The following LINGO2 variants were observed in gnomAD, a reference collection of about 807,000 sequenced individuals.
The protein encoded by LINGO2 is leucine-rich repeat and immunoglobulin-like domain-containing nogo receptor-interacting protein 2.
Under a neutral mutation model 30.6 loss-of-function variants are expected in LINGO2, and 14 were observed. The ratio of observed to expected loss-of-function variants is 0.46; its 90% confidence interval spans 0.30 to 0.72. The LOEUF is 0.72. Ranked by LOEUF, LINGO2 falls within the 30% of genes least tolerant of loss-of-function variation. The probability of loss-of-function intolerance (pLI) is 0.07; values close to 1 mark genes in which losing one functional copy is unlikely to be tolerated. For synonymous variants in LINGO2, 317 were observed against 288.5 expected, an observed-to-expected ratio of 1.10 and a Z score of -1.00; for missense variants, 729 against 751.7, an observed-to-expected ratio of 0.97 and a Z score of 0.35.
At chr9:28,091,519 T>C (rs866838823) in intron 4 of LINGO2, among the ~76,000 whole-genome samples, 1 of 152,182 alleles carries the variant, frequency 6.6e-6, no homozygotes. Context: ...TGAAACTGGA[T>C]CCCTTCCTTA....
intron 1 of LINGO2, among the ~76,000 whole-genome samples, chr9:28,520,594 G>T (rs1369884773): frequency 6.6e-6 from 1 of 151,998 alleles, no homozygotes; most frequent in Non-Finnish European, 1.5e-5. Context: ...GTTCCCTCAG[G>T]GCAGGTATGT....
At chr9:29,068,225 T>C in the LINGO2 span, among the ~76,000 whole-genome samples, 5 of 151,694 alleles carry the variant, frequency 3.3e-5, no homozygotes, top group African/African-American at 4.8e-5. Flanking sequence ...TTATTAACAC[T>C]AAATAAATTA....
chr9:28,313,190 T>C (rs139593994), intron 3 of LINGO2, among the ~76,000 whole-genome samples: 102 of 152,328 alleles, frequency 6.7e-4, no homozygotes, highest in African/African-American at 2.4e-3. Flanking sequence ...CATTGGCTAA[T>C]ACATAATTAT....
At chr9:28,832,118 G>A in the LINGO2 span, among the ~76,000 whole-genome samples, 1 of 151,990 alleles carries the variant, frequency 6.6e-6, no homozygotes, top group Non-Finnish European at 1.5e-5. Context: ...AAACCTTTTA[G>A]TGAATTTAAA....
At chr9:28,726,878 C>G in the LINGO2 span, among the ~76,000 whole-genome samples, 1 of 152,146 alleles carries the variant, frequency 6.6e-6, no homozygotes, top group Non-Finnish European at 1.5e-5. Flanking sequence ...GATGTATACC[C>G]TTTTCTCCAA....
rs142088812 is a variant in LINGO2 at position 28,548,069 on chromosome 9, G to T, written c.-364-72044C>A. On this transcript the variant is annotated intron_variant, in intron 1 of 5. Transcript: ENST00000379992. ...ACCCAAGGAAGCTATGGAAAAGCAGGAACCTGGAGAGCTCACAGATCCTCC... is the reference window on the plus strand; with the variant it reads ...ACCCAAGGAAGCTATGGAAAAGCAGTAACCTGGAGAGCTCACAGATCCTCC... Among the ~76,000 whole-genome samples the T allele has an allele frequency of 2.4e-3, 367 of 152,220 alleles. 1 individual carries two copies. The highest frequency in any genetic ancestry group is 8.7e-3 in the African/African-American group (363 of 41,564).
the LINGO2 span, among the ~76,000 whole-genome samples, chr9:28,790,968 G>A: frequency 1.3e-5 from 2 of 152,036 alleles, no homozygotes; most frequent in African/African-American, 4.8e-5. Flanking sequence ...TTATAAGACT[G>A]ATTGAAAATC....
exon 6 of LINGO2, chr9:27,950,039 G>A: frequency 2.5e-6 from 4 of 1,614,120 alleles, no homozygotes; most frequent in Non-Finnish European, 3.4e-6. Context: ...TGTTGATATT[G>A]AGATGCTTCA....
At chr9:28,785,036 T>C in the LINGO2 span, among the ~76,000 whole-genome samples, 2 of 152,042 alleles carry the variant, frequency 1.3e-5, no homozygotes, top group Non-Finnish European at 2.9e-5. Flanking sequence ...TAATGTGGAT[T>C]GTTCTACATA....
intron 4 of LINGO2, among the ~76,000 whole-genome samples, chr9:28,277,104 G>C (rs1002484176): frequency 3.9e-5 from 6 of 152,016 alleles, no homozygotes; most frequent in Non-Finnish European, 7.4e-5. Context: ...ATACATTGAA[G>C]GTTAGTGGTA....
At chr9:28,076,952 A>G (rs1016620814) in intron 4 of LINGO2, among the ~76,000 whole-genome samples, 2 of 152,206 alleles carry the variant, frequency 1.3e-5, no homozygotes, top group African/African-American at 4.8e-5. Flanking sequence ...GTTTCCAACA[A>G]AAGACATTGG....
At chr9:28,279,090 G>A (rs1823230841) in intron 4 of LINGO2, among the ~76,000 whole-genome samples, 1 of 152,114 alleles carries the variant, frequency 6.6e-6, no homozygotes, top group Non-Finnish European at 1.5e-5. Flanking sequence ...AGAAGTAAAG[G>A]TAGATCCTGA....
At position 28,620,495 on chromosome 9, in the gene LINGO2, T is replaced by C. The variant is rs545771511; in HGVS notation, c.-365+49705A>G. Among the ~76,000 whole-genome samples, 65 of 152,180 alleles carry C rather than the reference T, an allele frequency of 4.3e-4. No homozygotes were observed. The South Asian group carries it at 5.6e-3, about 13-fold the overall frequency. Reference sequence around the variant, plus strand: ...ACACAGGAATTTATATTGAAAATAATGTGTGCAACAATACTTAGTTCCTAA... The same window carrying C: ...ACACAGGAATTTATATTGAAAATAACGTGTGCAACAATACTTAGTTCCTAA... On this transcript the variant is annotated intron_variant, in intron 1 of 5. Coordinates refer to ENST00000379992, the Ensembl canonical transcript of LINGO2.
At chr9:29,110,506 G>T in the LINGO2 span, among the ~76,000 whole-genome samples, 2 of 150,310 alleles carry the variant, frequency 1.3e-5, no homozygotes, top group African/African-American at 2.4e-5. Flanking sequence ...CTAATTTTTT[G>T]TATTTTTAAT....
the LINGO2 span, among the ~76,000 whole-genome samples, chr9:29,105,626 C>T: frequency 1.3e-5 from 2 of 152,256 alleles, no homozygotes; most frequent in East Asian, 3.9e-4. Flanking sequence ...GATTAAGTTA[C>T]CAATCAACTG....
chr9:29,204,572 C>A, the LINGO2 span, among the ~76,000 whole-genome samples: 2 of 152,136 alleles, frequency 1.3e-5, no homozygotes, highest in Non-Finnish European at 2.9e-5. Context: ...TGTTCTACAA[C>A]CATATTTTCC....
intron 5 of LINGO2, among the ~76,000 whole-genome samples, chr9:27,986,331 A>G (rs1234744207): frequency 6.6e-6 from 1 of 151,854 alleles, no homozygotes; most frequent in African/African-American, 2.4e-5. Context: ...AAACAAAACT[A>G]AGAAATAACA....
the LINGO2 span, among the ~76,000 whole-genome samples, chr9:28,857,560 A>T: frequency 6.6e-6 from 1 of 152,076 alleles, no homozygotes; most frequent in African/African-American, 2.4e-5. Context: ...CCTGACAGGT[A>T]CTTTAGGCAG....
the LINGO2 span, among the ~76,000 whole-genome samples, chr9:29,193,581 T>G: frequency 6.6e-6 from 1 of 152,190 alleles, no homozygotes. Context: ...ACATTTAATT[T>G]AGAGCTGCTT....
Sources: allele counts gnomAD v4.1 joint callset (sites outside exome capture counted in the v4.1 genomes callset), GRCh38; gene constraint gnomAD v4.1.1; transcripts MANE v1.5; gene names NCBI Gene and HGNC (gene_info 2026-07-23, HGNC 2026-07-21).